The following BNC2 variants were observed in gnomAD, a reference collection of about 807,000 sequenced individuals.
BNC2 encodes the protein basonuclin zinc finger protein 2.
BNC2 carries 20 observed loss-of-function variants against 76.3 expected under a neutral mutation model. The ratio of observed to expected loss-of-function variants is 0.26; its 90% CI spans 0.18 to 0.38. BNC2 has a LOEUF of 0.38. BNC2 is among the 10% of genes least tolerant of loss of function. The pLI, the probability that BNC2 is intolerant of heterozygous loss-of-function variation, is 1.00. For missense variants in BNC2, 1,382 were observed against 1,399.8 expected, an observed-to-expected ratio of 0.99 and a Z score of 0.20; for synonymous variants, 582 against 514.8, an observed-to-expected ratio of 1.13 and a Z score of -1.77.
At chr9:16,839,431 T>G (rs1818776515) in intron 1 of BNC2, among the ~76,000 whole-genome samples, 1 of 152,198 alleles carries the variant, frequency 6.6e-6, no homozygotes, top group South Asian at 2.1e-4. Context: ...TTGAAAGCTA[T>G]CCTAGAATAG....
intron 3 of BNC2, among the ~76,000 whole-genome samples, chr9:16,707,744 C>T (rs935656624): frequency 1.3e-5 from 2 of 152,126 alleles, no homozygotes; most frequent in South Asian, 2.1e-4. Context: ...CAGGTTCAAG[C>T]AATTCTCCTG....
At chr9:16,761,132 C>T (rs1189709438) in intron 1 of BNC2, among the ~76,000 whole-genome samples, 1 of 152,004 alleles carries the variant, frequency 6.6e-6, no homozygotes, top group East Asian at 1.9e-4. Context: ...CCTGTGGTCC[C>T]AGCTACTTGG....
chr9:16,720,232 G>A (rs1350436153), intron 3 of BNC2, among the ~76,000 whole-genome samples: 1 of 152,152 alleles, frequency 6.6e-6, no homozygotes, highest in East Asian at 1.9e-4. Flanking sequence ...ATTGGCAAAA[G>A]GGTATTTATT....
At chr9:16,767,027 A>G (rs1258842744) in intron 1 of BNC2, among the ~76,000 whole-genome samples, 1 of 152,254 alleles carries the variant, frequency 6.6e-6, no homozygotes, top group Non-Finnish European at 1.5e-5. Context: ...TGACATGCCA[A>G]TCACTATCTG....
chr9:16,650,128 C>T (rs1439884642), intron 3 of BNC2, among the ~76,000 whole-genome samples: 1 of 152,150 alleles, frequency 6.6e-6, no homozygotes, highest in East Asian at 1.9e-4. Context: ...AAGGACTCTG[C>T]CCTGAATACG....
At position 16,552,536 on chromosome 9, in the gene BNC2, G is replaced by A. The variant is rs149390976; in HGVS notation, c.663C>T (p.Ile221=). Residue 221 remains isoleucine, a synonymous_variant, in exon 5 of 7, where the codon ATC becomes ATT. Transcript: ENST00000380672. The part of the protein sequence containing the change: ...WTLRDYVRGY[I]LQDAAGKVLD... ...GTTCAAGTCCTCTCCCTACCTGAAG[G>A]ATGTATCCTCGGACATAGTCCCGCA... 1.8e-4 allele frequency: 284 copies of A among 1,614,092 alleles called. 2 individuals carry two copies. In the African/African-American group the frequency reaches 3.2e-3, roughly 18 times the overall value.
intron 2 of BNC2, among the ~76,000 whole-genome samples, chr9:16,735,358 G>C (rs984364826): frequency 2.1e-5 from 3 of 144,268 alleles, no homozygotes; most frequent in Non-Finnish European, 3.0e-5. Flanking sequence ...AGAAAATCTA[G>C]AAGGAAAGAA....
chr9:16,576,474 G>T (rs1208091926), intron 4 of BNC2, among the ~76,000 whole-genome samples: 1 of 152,200 alleles, frequency 6.6e-6, no homozygotes, highest in East Asian at 1.9e-4. Context: ...CTAGGTTTTG[G>T]ACTCAAGTCA....
intron 4 of BNC2, among the ~76,000 whole-genome samples, chr9:16,567,502 C>T (rs1028469445): frequency 6.6e-6 from 1 of 152,108 alleles, no homozygotes; most frequent in African/African-American, 2.4e-5. Flanking sequence ...ACAGGAATTG[C>T]TCCTCAAACC....
intron 1 of BNC2, among the ~76,000 whole-genome samples, chr9:16,855,853 T>C (rs1819242285): frequency 6.6e-6 from 1 of 152,140 alleles, no homozygotes; most frequent in Admixed American, 6.5e-5. Context: ...CGGCCACATC[T>C]TTTTTATTTT....
chr9:16,608,109 T>G (rs1395781532), intron 3 of BNC2, among the ~76,000 whole-genome samples: 1 of 152,122 alleles, frequency 6.6e-6, no homozygotes, highest in Middle Eastern at 3.2e-3. Flanking sequence ...GTAGAAAGCT[T>G]GTGATTAACT....
At chr9:16,844,208 A>T (rs1291513982) in intron 1 of BNC2, among the ~76,000 whole-genome samples, 1 of 151,966 alleles carries the variant, frequency 6.6e-6, no homozygotes, top group Non-Finnish European at 1.5e-5. Context: ...TTTAAGTGCT[A>T]GTTTACCAAA....
At chr9:16,620,949 C>A (rs1820849926) in intron 3 of BNC2, among the ~76,000 whole-genome samples, 2 of 152,138 alleles carry the variant, frequency 1.3e-5, no homozygotes, top group Admixed American at 6.6e-5. Flanking sequence ...AGGGAAACCT[C>A]GACTTTCCAC....
rs1235480228 is a variant in BNC2, at chr9:16,455,335, C to A, written c.670-17811G>T. Among the ~76,000 whole-genome samples the A allele has an allele frequency of 3.3e-5, 5 of 152,250 alleles. No individual in the cohort carries two copies. The East Asian group carries it at 7.7e-4, about 23-fold the overall frequency. ...TAAAATGGCCAAGAGAAAATAAACA[C>A]ATAGATACATGAAAGGAGAGACTAA... On this transcript the variant is annotated intron_variant, in intron 5 of 6. Transcript: ENST00000380672.
chr9:16,429,485 A>C (rs2130768069), intron 6 of BNC2: 1 of 153,864 alleles, frequency 6.5e-6, no homozygotes, highest in Admixed American at 6.4e-5. Flanking sequence ...ATTCTGAGGG[A>C]GGTGGAAATC....
At chr9:16,663,624 C>T (rs1439365479) in intron 3 of BNC2, among the ~76,000 whole-genome samples, 3 of 152,096 alleles carry the variant, frequency 2.0e-5, no homozygotes, top group African/African-American at 7.2e-5. Flanking sequence ...TCTGTAACTG[C>T]ATTCCGGTGA....
intron 3 of BNC2, among the ~76,000 whole-genome samples, chr9:16,691,864 G>A (rs2134430510): frequency 6.9e-6 from 1 of 144,746 alleles, no homozygotes; most frequent in East Asian, 2.1e-4. Context: ...AGGCTGGAGT[G>A]CAGTGGCGCA....
intron 4 of BNC2, among the ~76,000 whole-genome samples, chr9:16,581,784 G>A (rs969368259): frequency 2.6e-5 from 4 of 152,138 alleles, no homozygotes; most frequent in African/African-American, 9.6e-5. Context: ...GTTCAAGACT[G>A]GACTGAGACC....
chr9:16,594,177 C>T (rs1456750221), intron 3 of BNC2, among the ~76,000 whole-genome samples: 3 of 152,100 alleles, frequency 2.0e-5, no homozygotes, highest in African/African-American at 4.8e-5. Flanking sequence ...AGAAGCAAGA[C>T]AAGATGAAGC....
Sources: allele counts gnomAD v4.1 joint callset (sites outside exome capture counted in the v4.1 genomes callset), GRCh38; gene constraint gnomAD v4.1.1; transcripts MANE v1.5; gene names NCBI Gene and HGNC (gene_info 2026-07-23, HGNC 2026-07-21).